Variants in ROBO2 observed in about 807,000 individuals in gnomAD.
ROBO2 encodes roundabout homolog 2.
In ROBO2, 53 loss-of-function variants were observed where a neutral mutation model predicts 160.8. The ratio of observed to expected loss-of-function variants is 0.33; its 90% CI spans 0.26 to 0.41. The LOEUF (loss-of-function observed/expected upper bound fraction) is 0.41, where lower values mean the gene tolerates loss of function less well. Ranked by LOEUF, ROBO2 falls within the 10% of genes least tolerant of loss-of-function variation. ROBO2 has a pLI of 1.00. For synonymous variants in ROBO2, 664 were observed against 611.7 expected (o/e 1.09, Z -1.26); for missense variants, 1,577 against 1,722.4 (o/e 0.92, Z 1.49).
chr3:77,258,300 T>A (rs2058549992), intron 2 of ROBO2, among the ~76,000 whole-genome samples: 1 of 152,188 alleles, frequency 6.6e-6, no homozygotes, highest in Non-Finnish European at 1.5e-5. Context: ...ACCAAAATAA[T>A]GAGAAAATAT....
intron 2 of ROBO2, among the ~76,000 whole-genome samples, chr3:76,251,454 G>T (rs528344414): frequency 6.6e-6 from 1 of 152,084 alleles, no homozygotes; most frequent in African/African-American, 2.4e-5. Flanking sequence ...GTTATATCCA[G>T]ATGGTGTGAT....
At chr3:76,736,447 C>T (rs1025693307) in intron 2 of ROBO2, among the ~76,000 whole-genome samples, 9 of 152,056 alleles carry the variant, frequency 5.9e-5, no homozygotes, top group Non-Finnish European at 1.3e-4. Context: ...TTAAGGGAAG[C>T]TGTTTGACAT....
chr3:77,398,368 T>G (rs1055754265), intron 2 of ROBO2, among the ~76,000 whole-genome samples: 2 of 150,854 alleles, frequency 1.3e-5, no homozygotes, highest in Non-Finnish European at 2.9e-5. Flanking sequence ...TTTATTTTAT[T>G]AACTTTGCCA....
chr3:76,589,700 G>T (rs1198616857), intron 2 of ROBO2, among the ~76,000 whole-genome samples: 2 of 152,022 alleles, frequency 1.3e-5, no homozygotes, highest in Admixed American at 1.3e-4. Context: ...TTCCTCAACT[G>T]TTTAGTTACA....
At chr3:77,303,984 A>G (rs1219725648) in intron 2 of ROBO2, among the ~76,000 whole-genome samples, 1 of 152,110 alleles carries the variant, frequency 6.6e-6, no homozygotes, top group African/African-American at 2.4e-5. Flanking sequence ...AGACTCATGT[A>G]GCTCTCTTTA....
chr3:77,644,111 G>A, intron 24 of ROBO2, among the ~76,000 whole-genome samples: 1 of 104,156 alleles, frequency 9.6e-6, no homozygotes, highest in South Asian at 3.3e-4. Flanking sequence ...TTTGTAGAGA[G>A]ACAATCTGTA....
At chr3:76,477,052 C>T (rs1239236123) in intron 2 of ROBO2, among the ~76,000 whole-genome samples, 1 of 152,110 alleles carries the variant, frequency 6.6e-6, no homozygotes, top group East Asian at 1.9e-4. Context: ...ACTGTGTAGC[C>T]TCAGCTGTAA....
chr3:76,197,887 C>A (rs1014235795), intron 2 of ROBO2, among the ~76,000 whole-genome samples: 7 of 152,148 alleles, frequency 4.6e-5, no homozygotes, highest in African/African-American at 1.7e-4. Context: ...ATCTTAAATC[C>A]TCTGAGAACA....
At chr3:77,626,944 C>T (rs2095040282) in intron 23 of ROBO2, among the ~76,000 whole-genome samples, 1 of 152,170 alleles carries the variant, frequency 6.6e-6, no homozygotes, top group Non-Finnish European at 1.5e-5. Context: ...CCATCTGACT[C>T]GACCACACAG....
chr3:76,185,708 G>A (rs1701730440), intron 2 of ROBO2, among the ~76,000 whole-genome samples: 1 of 151,980 alleles, frequency 6.6e-6, no homozygotes, highest in Admixed American at 6.6e-5. Context: ...TTTAAAAATT[G>A]CCATAATTAG....
chr3:76,458,299 C>T (rs979746196), intron 2 of ROBO2, among the ~76,000 whole-genome samples: 3 of 152,090 alleles, frequency 2.0e-5, no homozygotes, highest in African/African-American at 7.2e-5. Context: ...GTTCCAAGTC[C>T]CACAATCTGT....
chr3:76,490,286 T>C (rs1399568158), intron 2 of ROBO2, among the ~76,000 whole-genome samples: 1 of 152,222 alleles, frequency 6.6e-6, no homozygotes, highest in Non-Finnish European at 1.5e-5. Flanking sequence ...CTCAGTGGGA[T>C]TGTATGACAG....
intron 2 of ROBO2, among the ~76,000 whole-genome samples, chr3:76,872,170 T>C (rs1422531641): frequency 6.6e-6 from 1 of 152,172 alleles, no homozygotes. Context: ...AACAATAAAC[T>C]CTGCCCAATG....
intron 25 of ROBO2, 58 bp from the exon 28 acceptor site, chr3:77,645,996 G>C (rs1338177747): frequency 7.6e-7 from 1 of 1,307,272 alleles, no homozygotes; most frequent in Middle Eastern, 2.6e-4. Flanking sequence ...TGTTATGCTG[G>C]TCAGAAAAGC....
At chr3:77,461,013 T>C (rs987863675) in intron 2 of ROBO2, among the ~76,000 whole-genome samples, 11 of 152,188 alleles carry the variant, frequency 7.2e-5, no homozygotes, top group Non-Finnish European at 1.5e-4. Context: ...TATATTAGTA[T>C]ACTTTTGTAC....
chr3:77,424,001 T>C (rs1336502024), intron 2 of ROBO2, among the ~76,000 whole-genome samples: 1 of 152,194 alleles, frequency 6.6e-6, no homozygotes, highest in East Asian at 1.9e-4. Context: ...TTGGAGAGTT[T>C]CTACTTCTTT....
At chr3:76,838,868 G>A (rs934323002) in intron 2 of ROBO2, among the ~76,000 whole-genome samples, 3 of 152,106 alleles carry the variant, frequency 2.0e-5, no homozygotes, top group African/African-American at 7.2e-5. Flanking sequence ...CTTCCAAGAG[G>A]AATGTTAGGA....
At chr3:76,086,660 T>C (rs764937411) in intron 2 of ROBO2, among the ~76,000 whole-genome samples, 7 of 152,168 alleles carry the variant, frequency 4.6e-5, no homozygotes, top group Non-Finnish European at 7.4e-5. Flanking sequence ...GGCATACTAA[T>C]ATGTAATAAG....
chr3:76,495,131 A>T (rs1382647751), intron 2 of ROBO2, among the ~76,000 whole-genome samples: 3 of 152,160 alleles, frequency 2.0e-5, no homozygotes, highest in Non-Finnish European at 2.9e-5. Context: ...AGATGAAGAC[A>T]AATATAGCCT....
Sources: allele counts gnomAD v4.1 joint callset (sites outside exome capture counted in the v4.1 genomes callset), GRCh38; gene constraint gnomAD v4.1.1; transcripts MANE v1.5; gene names NCBI Gene and HGNC (gene_info 2026-07-23, HGNC 2026-07-21).